RTCB: variants seen among roughly 807,000 people sequenced by gnomAD.
The protein encoded by RTCB is RNA 2',3'-cyclic phosphate and 5'-OH ligase, also known as RNA-splicing ligase RTCB.
RTCB carries 32 observed loss-of-function variants against 58.2 expected under a neutral mutation model. The observed-to-expected ratio is 0.55, with a 90% CI of 0.41 to 0.74. RTCB has a LOEUF of 0.74. RTCB is among the 30% of genes least tolerant of loss of function. RTCB has a pLI of 0.00. For missense variants in RTCB, 523 were observed against 639.0 expected (o/e 0.82, Z 1.96); for synonymous variants, 247 against 218.6 (o/e 1.13, Z -1.15).
chr22:32,408,951 C>G, intron 1 of RTCB, 118 bp from the exon 2 acceptor site: 1 of 726,862 alleles, frequency 1.4e-6, no homozygotes, highest in Non-Finnish European at 2.4e-6. Flanking sequence ...AACACTTTCA[C>G]GTTACCTTAA....
intron 4 of RTCB, among the ~76,000 whole-genome samples, chr22:32,403,050 G>C (rs945551047): frequency 6.6e-6 from 1 of 151,936 alleles, no homozygotes; most frequent in Admixed American, 6.6e-5. Flanking sequence ...CAGCCTATAA[G>C]TATTTTTTAA....
chr22:32,392,198 G>C (rs1430338543), intron 11 of RTCB, 42 bp downstream of exon 11: 2 of 1,575,190 alleles, frequency 1.3e-6, no homozygotes, highest in Non-Finnish European at 1.7e-6. Flanking sequence ...ATTACAAATG[G>C]GGAACAATAA....
intron 1 of RTCB, among the ~76,000 whole-genome samples, chr22:32,411,660 T>A (rs1176423956): frequency 6.6e-6 from 1 of 152,228 alleles, no homozygotes; most frequent in Non-Finnish European, 1.5e-5. Context: ...ATAACCAGCA[T>A]GACTCAGAGG....
At chr22:32,400,609 C>T (rs1263376348) in intron 5 of RTCB, among the ~76,000 whole-genome samples, 1 of 152,152 alleles carries the variant, frequency 6.6e-6, no homozygotes, top group Non-Finnish European at 1.5e-5. Flanking sequence ...GTGTGTTCCA[C>T]GTATGCTTTT....
chr22:32,406,819 T>G (rs1933433901), intron 3 of RTCB, 58 bp from the exon 4 acceptor site: 1 of 1,158,410 alleles, frequency 8.6e-7, no homozygotes, highest in African/African-American at 1.5e-5. Flanking sequence ...CTGGATGCCC[T>G]GATGGACCTG....
At chr22:32,390,361 CA>C (rs1399510248) in intron 11 of RTCB, among the ~76,000 whole-genome samples, 8 of 151,896 alleles carry the variant, frequency 5.3e-5, no homozygotes, top group Non-Finnish European at 1.2e-4. Context: ...AAAACAAAAC[CA>C]AAAAACCAAA....
chr22:32,412,202 C>T lies in RTCB; in HGVS notation c.-46G>A. 6.7e-7 allele frequency: 1 copy of T among 1,487,862 alleles called. No homozygotes were observed. 92.2% of individuals were successfully genotyped at this position (1,487,862 alleles called of 1,614,324 possible). A position where few individuals can be genotyped will look rare whatever the true frequency, so the allele number is the denominator to read the frequency against. ...AAACTCCCGGCTCCGCTTTGAAGAG[C>T]CGCTGCCGCGTAGTCCGGCTTCTCA... On this transcript the variant is annotated 5_prime_UTR_variant, in exon 1 of 12. Coordinates refer to ENST00000216038, the MANE Select transcript of RTCB (RefSeq NM_014306.5).
intron 11 of RTCB, among the ~76,000 whole-genome samples, chr22:32,389,562 T>G (rs777944816): frequency 7.2e-5 from 11 of 152,122 alleles, no homozygotes; most frequent in Non-Finnish European, 1.3e-4. Context: ...TACTCTCACC[T>G]CAGCCTCCCG....
At position 32,403,951 on chromosome 22, in the gene RTCB, G is replaced by A. The variant is rs536648553; in HGVS notation, c.341-2048C>T. Among the ~76,000 whole-genome samples, 2 of 152,198 alleles carry A rather than the reference G, an allele frequency of 1.3e-5. 1 individual carries two copies. The highest frequency in any genetic ancestry group is 4.2e-4 in the South Asian group (2 of 4,818). ...ATGTAGTATTTTCGTTTCTGTGTCT[G>A]GCCTATTTCTCAGCATATCCTCTAG... On this transcript the variant is annotated intron_variant, in intron 4 of 11. Coordinates refer to ENST00000216038, the MANE Select transcript of RTCB (RefSeq NM_014306.5).
intron 11 of RTCB, among the ~76,000 whole-genome samples, chr22:32,388,775 G>A (rs996712544): frequency 9.2e-5 from 14 of 152,016 alleles, no homozygotes; most frequent in Non-Finnish European, 1.3e-4. Context: ...ATTCCCGTAC[G>A]GTTCTGTACA....
chr22:32,387,995 TCCTTTGATCA>T lies in RTCB; in HGVS notation c.1505_1514del (p.Val502AspfsTer10). 2 of 1,607,506 alleles carry T rather than the reference TCCTTTGATCA, an allele frequency of 1.2e-6. No individual in the cohort carries two copies. The highest frequency in any genetic ancestry group is 1.7e-6 in the Non-Finnish European group (2 of 1,173,996). On this transcript the variant is annotated frameshift_variant, in exon 12 of 12. Transcript: ENST00000216038. LOFTEE classifies it high-confidence loss of function. The stretch of plus-strand genomic sequence containing the variant: ...GGCAGCCCTGCTGTCCAAGGTTCTA[TCCTTTGATCA>T]CAGCAATTGGTCTCAGTTTAATGGC...
chr22:32,397,445 A>G (rs1208876377), intron 7 of RTCB, among the ~76,000 whole-genome samples: 1 of 152,036 alleles, frequency 6.6e-6, no homozygotes, highest in Non-Finnish European at 1.5e-5. Context: ...GCTACCTTTT[A>G]ATATTTATTT....
At chr22:32,396,644 G>A (rs773117139) in intron 7 of RTCB, among the ~76,000 whole-genome samples, 2 of 152,204 alleles carry the variant, frequency 1.3e-5, no homozygotes, top group African/African-American at 2.4e-5. Context: ...AGTACTCAGG[G>A]GAATGTTCTG....
intron 11 of RTCB, among the ~76,000 whole-genome samples, chr22:32,390,777 T>C (rs1933142669): frequency 6.6e-6 from 1 of 152,158 alleles, no homozygotes; most frequent in African/African-American, 2.4e-5. Context: ...AAATTAACCA[T>C]GTATTCTTAA....
In RTCB at chr22:32,387,969, A is replaced by T; in HGVS notation, c.*23T>A. ...CACTTCAGAGAGGGTTGGTGGTGTCAGGCAGCCCTGCTGTCCAAGGTTCTA... is the reference window on the plus strand; with the variant it reads ...CACTTCAGAGAGGGTTGGTGGTGTCTGGCAGCCCTGCTGTCCAAGGTTCTA... On this transcript the variant is annotated 3_prime_UTR_variant, in exon 12 of 12. Transcript: ENST00000216038. 6.8e-7 allele frequency: 1 copy of T among 1,480,130 alleles called. No individual in the cohort carries two copies. The highest frequency in any genetic ancestry group is 9.4e-7 in the Non-Finnish European group (1 of 1,058,586). 91.7% of individuals were successfully genotyped at this position (1,480,130 alleles called of 1,614,324 possible).
Position 32,398,087 on chromosome 22 carries a change from C to T in RTCB, c.668G>A (p.Gly223Glu), listed in dbSNP as rs371918269. 24 of 1,613,460 alleles carry T rather than the reference C, an allele frequency of 1.5e-5. No individual in the cohort carries two copies. In the Admixed American group the frequency reaches 1.7e-4, roughly 11 times the overall value. ...GATTTCTGCATAATGGTTGCCTGCT[C>T]CCAGGGTCCCCAACTGCAAATGTAA... ...KRGLPQLGTL[G>E]AGNHYAEIQV... Residue 223 changes from glycine (G) to glutamate (E), a missense_variant, in exon 7 of 12, where the codon GGA (glycine) becomes GAA (glutamate). Physicochemically the swap from Gly to Glu is moderately conservative, Grantham distance 98. Around this residue, in one of 3 missense-constraint regions of RTCB, gnomAD observed 141 missense variants for 216.7 expected, o/e 0.65. Coordinates refer to ENST00000216038, the MANE Select transcript of RTCB (RefSeq NM_014306.5).
Position 32,408,744 on chromosome 22 carries a change from A to C in RTCB, c.172+11T>G, listed in dbSNP as rs780428006. On this transcript the variant is annotated intron_variant, in intron 2 of 11. Coordinates refer to ENST00000216038, the MANE Select transcript of RTCB (RefSeq NM_014306.5). The stretch of plus-strand genomic sequence containing the variant: ...ACCGTACTAACACAAGTGAAACTCT[A>C]ATGTACTTACCACCACCTCGACAGG... 4.4e-6 allele frequency: 7 copies of C among 1,600,648 alleles called. No individual in the cohort carries two copies. Among genetic ancestry groups the C allele is most frequent in the Non-Finnish European group, 5.1e-6 (6 of 1,167,774 alleles).
rs1426653502 is a variant in RTCB at position 32,390,659 on chromosome 22, A to G, written c.1410+1581T>C. Among the ~76,000 whole-genome samples, 6 of 152,158 alleles carry G rather than the reference A, an allele frequency of 3.9e-5. No individual in the cohort carries two copies. In the South Asian group the frequency reaches 8.3e-4, roughly 21 times the overall value. On this transcript the variant is annotated intron_variant, in intron 11 of 11. Coordinates refer to ENST00000216038, the MANE Select transcript of RTCB (RefSeq NM_014306.5). ...GAGATGGGGTTTCACCGTGTTAGCC[A>G]GGATGGTCTTGATCTCCTCACCTTG...
chr22:32,390,105 C>T (rs755598753), intron 11 of RTCB, among the ~76,000 whole-genome samples: 60 of 152,304 alleles, frequency 3.9e-4, no homozygotes, highest in Non-Finnish European at 7.1e-4. Context: ...CGACCACCTG[C>T]TTAAAACTGT....
Sources: gnomAD v4.1 joint callset for allele counts (sites outside exome capture counted in the v4.1 genomes callset) on GRCh38, gnomAD v4.1.1 for gene constraint, gnomAD v4.1.1 regional missense constraint, MANE v1.5 for transcripts, NCBI Gene and HGNC (gene_info 2026-07-23, HGNC 2026-07-21) for gene names.